The following NAALADL2 variants were observed in gnomAD, a reference collection of about 807,000 sequenced individuals.
NAALADL2 encodes inactive N-acetylated-alpha-linked acidic dipeptidase-like protein 2.
Under a neutral mutation model 87.2 loss-of-function variants are expected in NAALADL2, and 76 were observed. The ratio of observed to expected loss-of-function variants is 0.87; its 90% confidence interval spans 0.72 to 1.05. The LOEUF is 1.05. Ranked by LOEUF, NAALADL2 falls within the 50% of genes least tolerant of loss-of-function variation. The probability of loss-of-function intolerance (pLI) is 0.00; values close to 1 mark genes in which losing one functional copy is unlikely to be tolerated. For missense variants in NAALADL2, 1,089 were observed against 945.8 expected (o/e 1.15, Z -1.99); for synonymous variants, 354 against 331.0 (o/e 1.07, Z -0.75).
chr3:175,667,201 A>AAGAAAG, intron 11 of NAALADL2, among the ~76,000 whole-genome samples: 1 of 114,922 alleles, frequency 8.7e-6, no homozygotes, highest in South Asian at 2.6e-4. Flanking sequence ...GAAAGAAAGA[A>AAGAAAG]AGAAAGAAAG....
chr3:174,569,868 C>T (rs1398532063), intron 2 of NAALADL2, among the ~76,000 whole-genome samples: 1 of 152,006 alleles, frequency 6.6e-6, no homozygotes, highest in South Asian at 2.1e-4. Context: ...ATAGTTTCAC[C>T]ATATATATGA....
intron 2 of NAALADL2, among the ~76,000 whole-genome samples, chr3:174,716,916 A>G (rs764329621): frequency 6.6e-6 from 1 of 152,192 alleles, no homozygotes; most frequent in Non-Finnish European, 1.5e-5. Flanking sequence ...AAATACTGGT[A>G]GTTCTCTGCA....
intron 2 of NAALADL2, among the ~76,000 whole-genome samples, chr3:175,132,101 T>A (rs1384657424): frequency 1.1e-4 from 12 of 108,986 alleles, no homozygotes; most frequent in African/African-American, 3.4e-4. Context: ...TTCCACCACC[T>A]CCCGCCCGGA....
intron 1 of NAALADL2, among the ~76,000 whole-genome samples, chr3:174,930,614 CT>C (rs760690405): frequency 0.048 from 3,228 of 66,790 alleles, 13 homozygotes; most frequent in Non-Finnish European, 0.065. Context: ...ATAAGATGAA[CT>C]TTTTTTTTTT....
chr3:174,797,059 A>T (rs1718184724), intron 3 of NAALADL2, among the ~76,000 whole-genome samples: 1 of 152,068 alleles, frequency 6.6e-6, no homozygotes, highest in South Asian at 2.1e-4. Flanking sequence ...AGTTCTTCAT[A>T]GATTTTCTTC....
chr3:174,505,198 A>C (rs1719126259), intron 1 of NAALADL2, among the ~76,000 whole-genome samples: 5 of 152,170 alleles, frequency 3.3e-5, no homozygotes, highest in Admixed American at 1.3e-4. Context: ...CTTCACCACT[A>C]TCTCCATAAT....
intron 3 of NAALADL2, among the ~76,000 whole-genome samples, chr3:174,851,877 T>G (rs1235286365): frequency 1.3e-5 from 2 of 152,160 alleles, no homozygotes; most frequent in South Asian, 2.1e-4. Context: ...AGATCACTTA[T>G]CAAGAACAAG....
chr3:174,893,751 T>G (rs1290569660), intron 1 of NAALADL2, among the ~76,000 whole-genome samples: 2 of 152,036 alleles, frequency 1.3e-5, no homozygotes, highest in African/African-American at 4.8e-5. Context: ...GAAACTAAAT[T>G]ATATCACCAG....
chr3:175,082,533 T>C lies in NAALADL2; in HGVS notation c.44-14257T>C, dbSNP rs553472546. 3.3e-4 allele frequency among the ~76,000 whole-genome samples: 51 copies of C among 152,318 alleles called. No individual in the cohort carries two copies. In the South Asian group the frequency reaches 0.011, roughly 32 times the overall value. On this transcript the variant is annotated intron_variant, in intron 1 of 13. Coordinates refer to ENST00000454872, the MANE Select transcript of NAALADL2 (RefSeq NM_207015.3). ...TCAGTTTTACTTATGGCAATTTTGA[T>C]TCCAATACAGGAGGAAGGCAGACAG...
chr3:175,435,015 A>G (rs1169028642), intron 5 of NAALADL2, among the ~76,000 whole-genome samples: 2 of 152,054 alleles, frequency 1.3e-5, no homozygotes, highest in African/African-American at 2.4e-5. Flanking sequence ...ATACCAAAGA[A>G]TAGAAATGTT....
chr3:175,012,105 A>G (rs976937557), intron 1 of NAALADL2, among the ~76,000 whole-genome samples: 1 of 152,178 alleles, frequency 6.6e-6, no homozygotes, highest in Non-Finnish European at 1.5e-5. Context: ...TACGGGAGAC[A>G]ACTGAGAGAA....
At chr3:174,590,925 CAT>C (rs781252916) in intron 2 of NAALADL2, among the ~76,000 whole-genome samples, 39 of 152,056 alleles carry the variant, frequency 2.6e-4, no homozygotes, top group Non-Finnish European at 5.3e-4. Context: ...ATTAGTATCA[CAT>C]GTTTCCTTTC....
Position 174,676,229 on chromosome 3 carries a change from G to A in NAALADL2, c.-114-61412G>A, listed in dbSNP as rs553980791. Among the ~76,000 whole-genome samples, 289 of 152,092 alleles carry A rather than the reference G, an allele frequency of 1.9e-3. 1 individual carries two copies. Among genetic ancestry groups the A allele is most frequent in the African/African-American group, 6.7e-3 (277 of 41,550 alleles). On this transcript the variant is annotated intron_variant, in intron 2 of 3. Transcript: ENST00000434257. The stretch of plus-strand genomic sequence containing the variant: ...AGTTTCATGGCTAAATGAAATCTTC[G>A]ATGATTTAAAAATATTTAAAACAGG...
chr3:174,691,428 T>G (rs961731017), intron 2 of NAALADL2, among the ~76,000 whole-genome samples: 1 of 124,948 alleles, frequency 8.0e-6, no homozygotes, highest in East Asian at 2.4e-4. Flanking sequence ...AATAATTAAA[T>G]AAAACCCACA....
At chr3:175,328,371 G>T (rs1760998308) in intron 5 of NAALADL2, among the ~76,000 whole-genome samples, 1 of 151,624 alleles carries the variant, frequency 6.6e-6, no homozygotes, top group East Asian at 1.9e-4. Context: ...AACCTGTATA[G>T]GTTTATCTTT....
intron 2 of NAALADL2, among the ~76,000 whole-genome samples, chr3:174,708,375 T>C (rs368506282): frequency 1.6e-4 from 25 of 152,214 alleles, no homozygotes; most frequent in African/African-American, 5.3e-4. Context: ...TTTGTTTCTT[T>C]GAAGTTTGCA....
chr3:174,764,660 C>T (rs1713535831), intron 3 of NAALADL2, among the ~76,000 whole-genome samples: 1 of 152,090 alleles, frequency 6.6e-6, no homozygotes, highest in African/African-American at 2.4e-5. Context: ...AAACAAATAT[C>T]ACACTGCTAT....
chr3:175,319,806 C>G (rs553902958), intron 4 of NAALADL2, among the ~76,000 whole-genome samples: 1 of 152,044 alleles, frequency 6.6e-6, no homozygotes, highest in Non-Finnish European at 1.5e-5. Flanking sequence ...GGCGACAGAG[C>G]GAGACTGTGT....
intron 2 of NAALADL2, among the ~76,000 whole-genome samples, chr3:174,571,598 C>T (rs1012638201): frequency 1.2e-4 from 18 of 151,972 alleles, no homozygotes; most frequent in African/African-American, 3.6e-4. Context: ...AGGCTGGTCT[C>T]GAGCTCCCGA....
Sources: allele counts gnomAD v4.1 joint callset (sites outside exome capture counted in the v4.1 genomes callset), GRCh38; gene constraint gnomAD v4.1.1; transcripts MANE v1.5; gene names NCBI Gene and HGNC (gene_info 2026-07-23, HGNC 2026-07-21).